POPDC1: variants seen among roughly 807,000 people sequenced by gnomAD.
The protein encoded by POPDC1 is popeye domain-containing protein 1.
At chr6:105,107,196 G>A in the POPDC1 span, among the ~76,000 whole-genome samples, 4 of 151,372 alleles carry the variant, frequency 2.6e-5, no homozygotes, top group African/African-American at 7.3e-5. Context: ...CTACAAATAT[G>A]TGAGAACATG....
chr6:105,131,501 G>A, the POPDC1 span, among the ~76,000 whole-genome samples: 7 of 151,852 alleles, frequency 4.6e-5, no homozygotes, highest in South Asian at 8.3e-4. Context: ...CAACAGCCTC[G>A]ACATCCCAGG....
the POPDC1 span, among the ~76,000 whole-genome samples, chr6:105,128,111 C>CCTACTGTG: frequency 6.6e-6 from 1 of 152,156 alleles, no homozygotes; most frequent in Non-Finnish European, 1.5e-5. Flanking sequence ...TTTTTGAGCA[C>CCTACTGTG]CTACTGTGTG....
At chr6:105,097,377 A>G in the POPDC1 span, 1 of 152,212 alleles carries the variant, frequency 6.6e-6, no homozygotes, top group Non-Finnish European at 1.5e-5. Context: ...ATGACCAAGA[A>G]AATGGGTTTC....
the POPDC1 span, among the ~76,000 whole-genome samples, chr6:105,131,958 A>C: frequency 0.022 from 3,091 of 142,654 alleles, 109 homozygotes; most frequent in African/African-American, 0.072. Context: ...TTTCCTTGTC[A>C]TTTATCACTT....
the POPDC1 span, among the ~76,000 whole-genome samples, chr6:105,116,448 A>T: frequency 6.6e-6 from 1 of 151,990 alleles, no homozygotes; most frequent in Admixed American, 6.6e-5. Flanking sequence ...CTCCTTTACC[A>T]TCTTCCTTAA....
At chr6:105,108,698 C>T in the POPDC1 span, among the ~76,000 whole-genome samples, 1 of 152,204 alleles carries the variant, frequency 6.6e-6, no homozygotes, top group Admixed American at 6.5e-5. Flanking sequence ...ATTTTTAGAA[C>T]AGTCTCCTTT....
chr6:105,108,434 C>T, the POPDC1 span, among the ~76,000 whole-genome samples: 5 of 152,084 alleles, frequency 3.3e-5, no homozygotes, highest in Admixed American at 6.5e-5. Flanking sequence ...CCCGTAGAAA[C>T]AATAAGCAGT....
chr6:105,125,013 C>T, the POPDC1 span, among the ~76,000 whole-genome samples: 9 of 152,248 alleles, frequency 5.9e-5, no homozygotes, highest in East Asian at 1.7e-3. Flanking sequence ...CCCCAAAAGG[C>T]TGATATTCCT....
chr6:105,127,830 G>A, the POPDC1 span, among the ~76,000 whole-genome samples: 4 of 151,544 alleles, frequency 2.6e-5, no homozygotes, highest in East Asian at 3.9e-4. Context: ...GCACAATCTC[G>A]GCTCACTGCA....
the POPDC1 span, chr6:105,100,546 ATATATGTATATATATATATATATG>A: frequency 5.2e-5 from 1 of 19,250 alleles, no homozygotes; most frequent in African/African-American, 1.1e-4. Context: ...GTGTATGTAT[ATATATGTATATATATATATATATG>A]TATGTATGTA....
At chr6:105,115,109 C>T in the POPDC1 span, among the ~76,000 whole-genome samples, 44 of 152,300 alleles carry the variant, frequency 2.9e-4, no homozygotes, top group Non-Finnish European at 4.0e-4. Context: ...ATTTTTGAGA[C>T]GGAGTCTCGC....
chr6:105,136,003 C>T, the POPDC1 span, among the ~76,000 whole-genome samples: 1 of 152,108 alleles, frequency 6.6e-6, no homozygotes, highest in East Asian at 1.9e-4. Context: ...ATTACCTATA[C>T]TAGTAAAGTT....
chr6:105,118,301 T>G, the POPDC1 span, among the ~76,000 whole-genome samples: 2 of 152,170 alleles, frequency 1.3e-5, no homozygotes, highest in Non-Finnish European at 2.9e-5. Flanking sequence ...GAAATCTGAT[T>G]GCTGGCAAAT....
At chr6:105,108,784 A>C in the POPDC1 span, among the ~76,000 whole-genome samples, 1 of 152,238 alleles carries the variant, frequency 6.6e-6, no homozygotes, top group Non-Finnish European at 1.5e-5. Context: ...TACGTAAAGC[A>C]CAATAATCTC....
chr6:105,134,766 T>C, the POPDC1 span, among the ~76,000 whole-genome samples: 1 of 152,118 alleles, frequency 6.6e-6, no homozygotes, highest in Admixed American at 6.6e-5. Context: ...AATGATCAAG[T>C]CAACTGAAGA....
chr6:105,101,267 T>TG, the POPDC1 span: 1 of 1,470,224 alleles, frequency 6.8e-7, no homozygotes, highest in East Asian at 2.5e-5. Context: ...ACCCAGACCC[T>TG]GGTGTGATAT....
chr6:105,123,609 C>T, the POPDC1 span, among the ~76,000 whole-genome samples: 1 of 152,098 alleles, frequency 6.6e-6, no homozygotes, highest in Non-Finnish European at 1.5e-5. Flanking sequence ...ACCATGTTAA[C>T]CAGGATGGTC....
chr6:105,135,232 G>C, the POPDC1 span, among the ~76,000 whole-genome samples: 1 of 152,142 alleles, frequency 6.6e-6, no homozygotes, highest in Non-Finnish European at 1.5e-5. Context: ...AGGGATGAAA[G>C]CCACTCTGAA....
the POPDC1 span, among the ~76,000 whole-genome samples, chr6:105,113,725 C>T: frequency 1.3e-5 from 2 of 151,938 alleles, no homozygotes; most frequent in African/African-American, 2.4e-5. Context: ...CAGTGGCTCA[C>T]GCCTGAAATC....
Sources: gnomAD v4.1 joint callset for allele counts (sites outside exome capture counted in the v4.1 genomes callset) on GRCh38, gnomAD v4.1.1 for gene constraint, MANE v1.5 for transcripts, NCBI Gene and HGNC (gene_info 2026-07-23, HGNC 2026-07-21) for gene names.